The following PTN variants were observed in gnomAD, a reference collection of about 807,000 sequenced individuals.
PTN encodes the protein pleiotrophin.
PTN carries 18 observed loss-of-function variants against 24.1 expected under a neutral mutation model. The observed-to-expected ratio is 0.75, with a 90% CI of 0.52 to 1.11. The LOEUF (loss-of-function observed/expected upper bound fraction) is 1.11. Ranked by LOEUF, PTN falls within the 50% of genes least tolerant of loss-of-function variation. The pLI, the probability that PTN is intolerant of heterozygous loss-of-function variation, is 0.00. For synonymous variants in PTN, 78 were observed against 68.6 expected (o/e 1.14, Z -0.67); for missense variants, 163 against 198.8 (o/e 0.82, Z 1.08).
chr7:137,260,038 A>G (rs539219176), intron 1 of PTN, among the ~76,000 whole-genome samples: 5 of 152,230 alleles, frequency 3.3e-5, no homozygotes, highest in Middle Eastern at 3.4e-3. Flanking sequence ...TTGCTAGTGG[A>G]AAACATCAGC....
At chr7:137,234,135 T>A (rs1585003585) in intron 4 of PTN, among the ~76,000 whole-genome samples, 1 of 152,022 alleles carries the variant, frequency 6.6e-6, no homozygotes, top group South Asian at 2.1e-4. Context: ...AAAATTCAAT[T>A]GTATCTATTT....
chr7:137,294,920 T>A (rs2128877716), intron 1 of PTN, among the ~76,000 whole-genome samples: 1 of 152,288 alleles, frequency 6.6e-6, no homozygotes, highest in Middle Eastern at 3.4e-3. Flanking sequence ...GAACTCATGC[T>A]TTCAGAGAGT....
chr7:137,260,790 G>C (rs1809022462), intron 1 of PTN, among the ~76,000 whole-genome samples: 2 of 152,126 alleles, frequency 1.3e-5, no homozygotes, highest in Non-Finnish European at 2.9e-5. Flanking sequence ...CTTTCACCAG[G>C]AGCTACAAAA....
chr7:137,317,247 G>A (rs1810087990), intron 1 of PTN, among the ~76,000 whole-genome samples: 1 of 152,152 alleles, frequency 6.6e-6, no homozygotes, highest in South Asian at 2.1e-4. Flanking sequence ...CTCCAGCCAT[G>A]GAGAGCTTTC....
chr7:137,310,379 C>G (rs322343), intron 1 of PTN, among the ~76,000 whole-genome samples: 51,802 of 147,608 alleles, frequency 0.35, 10,737 homozygotes, highest in Admixed American at 0.54. Context: ...TCTTCAAATT[C>G]AAGTTACCAT....
intron 1 of PTN, among the ~76,000 whole-genome samples, chr7:137,276,292 AC>A (rs555497039): frequency 1.8e-3 from 272 of 152,302 alleles, no homozygotes; most frequent in Admixed American, 3.1e-3. Flanking sequence ...TCCCTGAATG[AC>A]CCTAGAGACC....
At chr7:137,319,691 G>A (rs1448168346) in intron 1 of PTN, among the ~76,000 whole-genome samples, 1 of 152,200 alleles carries the variant, frequency 6.6e-6, no homozygotes, top group Non-Finnish European at 1.5e-5. Context: ...GTACAGATGA[G>A]AAGCCGGACA....
intron 4 of PTN, among the ~76,000 whole-genome samples, chr7:137,246,197 A>G (rs1480786861): frequency 6.6e-6 from 1 of 152,180 alleles, no homozygotes; most frequent in Non-Finnish European, 1.5e-5. Flanking sequence ...CTTTTATACC[A>G]TATTTTTACT....
chr7:137,338,157 C>T (rs374258639), intron 1 of PTN, among the ~76,000 whole-genome samples: 19 of 152,122 alleles, frequency 1.2e-4, no homozygotes, highest in South Asian at 1.0e-3. Flanking sequence ...CTTCAATTTC[C>T]GACTCAAGAT....
chr7:137,275,960 A>C (rs1226344488), intron 1 of PTN, among the ~76,000 whole-genome samples: 3 of 152,228 alleles, frequency 2.0e-5, no homozygotes, highest in Non-Finnish European at 4.4e-5. Flanking sequence ...ACTCAATTAA[A>C]AACATAATTA....
intron 1 of PTN, among the ~76,000 whole-genome samples, chr7:137,286,493 G>T (rs1809556050): frequency 1.3e-5 from 2 of 152,084 alleles, no homozygotes; most frequent in African/African-American, 4.8e-5. Context: ...ATATCCAGAG[G>T]GGTAGAATAA....
chr7:137,275,049 C>G (rs1044334313), intron 1 of PTN, among the ~76,000 whole-genome samples: 1 of 152,096 alleles, frequency 6.6e-6, no homozygotes. Flanking sequence ...ATATAAAATG[C>G]CTGGCATCCT....
intron 1 of PTN, among the ~76,000 whole-genome samples, chr7:137,273,435 G>A (rs994371209): frequency 1.8e-4 from 28 of 152,184 alleles, no homozygotes; most frequent in African/African-American, 6.8e-4. Context: ...TCACAGTTCA[G>A]CATGGCTGGG....
chr7:137,232,166 C>T (rs747050884), intron 4 of PTN, among the ~76,000 whole-genome samples: 10 of 151,874 alleles, frequency 6.6e-5, no homozygotes, highest in Non-Finnish European at 1.2e-4. Flanking sequence ...GTCCCTTGTC[C>T]CTGCCTGGAT....
chr7:137,315,940 T>C (rs1471458678), intron 1 of PTN, among the ~76,000 whole-genome samples: 1 of 152,170 alleles, frequency 6.6e-6, no homozygotes, highest in Non-Finnish European at 1.5e-5. Flanking sequence ...AGCTTCACTT[T>C]TATTTTAAGT....
intron 1 of PTN, among the ~76,000 whole-genome samples, chr7:137,336,513 A>C (rs939642726): frequency 6.6e-6 from 1 of 152,180 alleles, no homozygotes; most frequent in African/African-American, 2.4e-5. Flanking sequence ...AAGAGTCTGC[A>C]TCGGAGACTT....
rs1809620991 is a variant in PTN at position 137,290,335 on chromosome 7, C to T, written c.-1-35361G>A. On this transcript the variant is annotated intron_variant, in intron 1 of 4. Coordinates refer to ENST00000348225, the MANE Select transcript of PTN (RefSeq NM_002825.7). ...ATAAAAACAAATGGTGTTCTAAATA[C>T]TTTTAGGAAACAAGGGTTAACCTGT... 2.0e-5 allele frequency among the ~76,000 whole-genome samples: 3 copies of T among 152,124 alleles called. 1 individual carries two copies. The South Asian group carries it at 6.2e-4, about 32-fold the overall frequency.
chr7:137,269,624 A>ATTTTTTTTTTTTT lies in PTN; in HGVS notation c.-1-14663_-1-14651dup, dbSNP rs869311084. 1.1e-3 allele frequency among the ~76,000 whole-genome samples: 67 copies of ATTTTTTTTTTTTT among 63,012 alleles called. 12 individuals carry two copies. The highest frequency in any genetic ancestry group is 4.8e-3 in the African/African-American group (65 of 13,426). 41.3% of individuals were successfully genotyped at this position (63,012 alleles called of 152,430 possible). A position where few individuals can be genotyped will look rare whatever the true frequency, so the allele number is the denominator to read the frequency against. On this transcript the variant is annotated intron_variant, in intron 1 of 4. Coordinates refer to ENST00000348225, the MANE Select transcript of PTN (RefSeq NM_002825.7). ...TGCTATCTGTCAAGCTGCTTCATCT[A>ATTTTTTTTTTTTT]TTTTTTTTTTTTTTTTTTTTTTTTT...
chr7:137,317,688 T>A (rs1295184686), intron 1 of PTN, among the ~76,000 whole-genome samples: 2 of 152,230 alleles, frequency 1.3e-5, no homozygotes, highest in African/African-American at 4.8e-5. Context: ...ATCCTGTACT[T>A]AAATGATAAT....
Sources: gnomAD v4.1 joint callset for allele counts (sites outside exome capture counted in the v4.1 genomes callset) on GRCh38, gnomAD v4.1.1 for gene constraint, MANE v1.5 for transcripts, NCBI Gene and HGNC (gene_info 2026-07-23, HGNC 2026-07-21) for gene names.